CALN1: variants seen among roughly 807,000 people sequenced by gnomAD.
The protein encoded by CALN1 is calcium-binding protein 8.
A neutral mutation model predicts 30.6 loss-of-function variants in CALN1; 17 were observed. That is an observed-to-expected ratio of 0.56 (90% CI 0.38 to 0.83). CALN1 has a LOEUF of 0.83. Among genes scored for constraint, CALN1 ranks in the 40% least tolerant of loss-of-function variants. The pLI, the probability that CALN1 is intolerant of heterozygous loss-of-function variation, is 0.00. For missense variants in CALN1, 291 were observed against 354.9 expected, an observed-to-expected ratio of 0.82 and a Z score of 1.45; for synonymous variants, 156 against 131.4, an observed-to-expected ratio of 1.19 and a Z score of -1.28.
intron 5 of CALN1, among the ~76,000 whole-genome samples, chr7:71,889,263 C>A (rs1383232811): frequency 1.3e-5 from 2 of 152,202 alleles, no homozygotes; most frequent in East Asian, 1.9e-4. Flanking sequence ...TAGATGGCAC[C>A]TTCTTCCTGC....
rs184904542 is a variant in CALN1, at chr7:72,325,446, C to A, written c.120-46636G>T. On this transcript the variant is annotated intron_variant, in intron 2 of 6. Coordinates refer to ENST00000395275, the MANE Select transcript of CALN1 (RefSeq NM_031468.4). Reference sequence around the variant, plus strand: ...GGAAACCCTGTCTCTACTAAAAATGCAAAACTGAGCCGGGCGTGGTGGTGA... The same window carrying A: ...GGAAACCCTGTCTCTACTAAAAATGAAAAACTGAGCCGGGCGTGGTGGTGA... Among the ~76,000 whole-genome samples, 360 of 152,120 alleles carry A rather than the reference C, an allele frequency of 2.4e-3. 2 individuals carry two copies. Among genetic ancestry groups the A allele is most frequent in the African/African-American group, 7.8e-3 (325 of 41,520 alleles).
chr7:72,468,114 G>A, the CALN1 span, among the ~76,000 whole-genome samples: 20 of 152,288 alleles, frequency 1.3e-4, no homozygotes, highest in African/African-American at 4.8e-4. Context: ...TCCATTGCAT[G>A]TAAACACCAC....
At chr7:71,986,638 G>C (rs970550819) in intron 5 of CALN1, among the ~76,000 whole-genome samples, 13 of 152,192 alleles carry the variant, frequency 8.5e-5, no homozygotes, top group African/African-American at 3.1e-4. Context: ...ATGTGGCCCA[G>C]TGGGAAAAAG....
intron 6 of CALN1, among the ~76,000 whole-genome samples, chr7:71,795,499 C>G (rs1786844558): frequency 6.6e-6 from 1 of 152,142 alleles, no homozygotes; most frequent in Non-Finnish European, 1.5e-5. Context: ...AAAATTGGCC[C>G]TTGTTCTAAA....
chr7:72,107,052 G>C lies in CALN1; in HGVS notation c.245-758C>G, dbSNP rs376425918. 1.9e-4 allele frequency among the ~76,000 whole-genome samples: 29 copies of C among 152,234 alleles called. No individual in the cohort carries two copies. The South Asian group carries it at 5.4e-3, about 28-fold the overall frequency. On this transcript the variant is annotated intron_variant, in intron 3 of 6. Transcript: ENST00000395275. ...AGAAAAAGAAAGAAAGAAGGAGGAA[G>C]GGAGGGAGGAGGCAGCTCGACCTGA...
At chr7:72,244,295 C>T (rs1795024027) in intron 3 of CALN1, among the ~76,000 whole-genome samples, 1 of 152,160 alleles carries the variant, frequency 6.6e-6, no homozygotes, top group African/African-American at 2.4e-5. Context: ...AAAGATCCCT[C>T]AAACTCTGAT....
intron 2 of CALN1, among the ~76,000 whole-genome samples, chr7:72,302,349 G>A (rs1799327865): frequency 1.3e-5 from 2 of 152,180 alleles, no homozygotes; most frequent in African/African-American, 4.8e-5. Flanking sequence ...AACGGACAAC[G>A]TTTTAATGAA....
chr7:72,223,643 C>A (rs1793463691), intron 3 of CALN1, among the ~76,000 whole-genome samples: 1 of 152,038 alleles, frequency 6.6e-6, no homozygotes, highest in South Asian at 2.1e-4. Flanking sequence ...ACCATTTGAC[C>A]CAGCAAAAAA....
At chr7:71,939,797 C>G (rs1796029457) in intron 5 of CALN1, among the ~76,000 whole-genome samples, 1 of 152,074 alleles carries the variant, frequency 6.6e-6, no homozygotes, top group African/African-American at 2.4e-5. Context: ...GGGTAGAGGT[C>G]AGGGCCTGGC....
chr7:72,095,879 A>G lies in CALN1; in HGVS notation c.388+10272T>C, dbSNP rs149170028. On this transcript the variant is annotated intron_variant, in intron 4 of 6. Transcript: ENST00000395275. ...AAACTTCATTGCTACAAATAATAAA[A>G]AATAAAAATTAGCCAGGCATGGTGA... Among the ~76,000 whole-genome samples, 480 of 152,102 alleles carry G rather than the reference A, an allele frequency of 3.2e-3. 5 individuals carry two copies. Among genetic ancestry groups the G allele is most frequent in the African/African-American group, 0.01 (427 of 41,478 alleles).
At chr7:72,163,066 T>C (rs1464110269) in intron 3 of CALN1, among the ~76,000 whole-genome samples, 1 of 152,156 alleles carries the variant, frequency 6.6e-6, no homozygotes, top group Non-Finnish European at 1.5e-5. Context: ...CCGCCCTCCA[T>C]AGAGGCTGGA....
intron 3 of CALN1, among the ~76,000 whole-genome samples, chr7:72,230,057 C>G (rs563939787): frequency 6.6e-6 from 1 of 151,868 alleles, no homozygotes; most frequent in African/African-American, 2.4e-5. Context: ...AGGGGAATGG[C>G]GTGAACCCAG....
intron 2 of CALN1, among the ~76,000 whole-genome samples, chr7:72,309,620 A>C (rs1799901620): frequency 6.6e-6 from 1 of 152,080 alleles, no homozygotes; most frequent in South Asian, 2.1e-4. Flanking sequence ...AAGCTGATGA[A>C]TCAGAAGTGG....
chr7:72,045,228 G>T (rs1368629813), intron 4 of CALN1, among the ~76,000 whole-genome samples: 1 of 152,166 alleles, frequency 6.6e-6, no homozygotes. Flanking sequence ...GCACCTGCCA[G>T]GAAAGGGTAG....
chr7:71,902,075 A>C (rs1228113548), intron 5 of CALN1, among the ~76,000 whole-genome samples: 2 of 152,144 alleles, frequency 1.3e-5, no homozygotes, highest in East Asian at 3.9e-4. Context: ...ATTCAACAAG[A>C]AGATAACAAG....
chr7:72,354,505 G>A (rs1294609227), intron 2 of CALN1, among the ~76,000 whole-genome samples: 2 of 152,100 alleles, frequency 1.3e-5, no homozygotes, highest in African/African-American at 4.8e-5. Context: ...CATTTTTTCA[G>A]AGAAGTTGGA....
chr7:72,411,826 T>C (rs541646643), intron 1 of CALN1, among the ~76,000 whole-genome samples: 30 of 152,266 alleles, frequency 2.0e-4, no homozygotes, highest in African/African-American at 6.7e-4. Context: ...AACCAAACAA[T>C]TGTCCTGCTT....
the CALN1 span, among the ~76,000 whole-genome samples, chr7:72,461,332 T>C: frequency 3.3e-5 from 5 of 152,114 alleles, no homozygotes; most frequent in Non-Finnish European, 7.3e-5. Flanking sequence ...AATAAATTGT[T>C]CTACTAAAAA....
At chr7:72,266,754 C>T (rs74527114) in intron 3 of CALN1, among the ~76,000 whole-genome samples, 5 of 152,270 alleles carry the variant, frequency 3.3e-5, no homozygotes, top group Non-Finnish European at 7.4e-5. Flanking sequence ...TTCAGAACAA[C>T]ATGCGGGAAA....
Sources: allele counts gnomAD v4.1 joint callset (sites outside exome capture counted in the v4.1 genomes callset), GRCh38; gene constraint gnomAD v4.1.1; transcripts MANE v1.5; gene names NCBI Gene and HGNC (gene_info 2026-07-23, HGNC 2026-07-21).